MDFIC: variants seen among roughly 807,000 people sequenced by gnomAD.
MDFIC encodes myoD family inhibitor domain-containing protein.
Under a neutral mutation model 23.2 loss-of-function variants are expected in MDFIC, and 17 were observed. The ratio of observed to expected loss-of-function variants is 0.73; its 90% CI spans 0.50 to 1.10. MDFIC has a LOEUF of 1.10. Among genes scored for constraint, MDFIC ranks in the 50% least tolerant of loss-of-function variants. The pLI, the probability that MDFIC is intolerant of heterozygous loss-of-function variation, is 0.00. For missense variants in MDFIC, 356 were observed against 316.6 expected, an observed-to-expected ratio of 1.12 and a Z score of -0.95; for synonymous variants, 120 against 115.2, an observed-to-expected ratio of 1.04 and a Z score of -0.27.
At chr7:114,933,234 G>C (rs1462215583) in intron 2 of MDFIC, among the ~76,000 whole-genome samples, 1 of 150,410 alleles carries the variant, frequency 6.6e-6, no homozygotes, top group East Asian at 2.0e-4. Context: ...AAAAGGGGAA[G>C]ATGATAGAGT....
chr7:115,016,184 AC>A lies in MDFIC; in HGVS notation c.*255del, dbSNP rs930840172. On this transcript the variant is annotated 3_prime_UTR_variant, in exon 5 of 5. Coordinates refer to ENST00000393486, the MANE Select transcript of MDFIC (RefSeq NM_001166345.3). The stretch of plus-strand genomic sequence containing the variant: ...TACAATAACTTAGGGACATTTTGAC[AC>A]CCCCCTTCCCAAATGTTAAATGCCT... The A allele has an allele frequency of 2.5e-5, 10 of 398,486 alleles. 1 individual carries two copies. In the Admixed American group the frequency reaches 3.4e-4, roughly 14 times the overall value. The allele number at this position is 398,486 out of a possible 1,614,324, so 24.7% of individuals were successfully genotyped here.
chr7:114,982,809 G>C (rs62470665), intron 4 of MDFIC, among the ~76,000 whole-genome samples: 3 of 152,086 alleles, frequency 2.0e-5, no homozygotes, highest in African/African-American at 7.2e-5. Flanking sequence ...TGGCAGGTTA[G>C]GTTGTCTGGA....
intron 3 of MDFIC, among the ~76,000 whole-genome samples, chr7:114,949,922 A>C (rs1322115215): frequency 1.3e-5 from 2 of 152,172 alleles, no homozygotes; most frequent in Admixed American, 6.5e-5. Flanking sequence ...AGCACAGCAC[A>C]CCTACAGTTC....
At position 114,967,639 on chromosome 7, in the gene MDFIC, A is replaced by G. The variant is rs1793125275; in HGVS notation, c.218-11867A>G. ...TCTTTATACATTTATTCTTTGTAAT[A>G]TCCCTTATTCCAAGAATGGTGCCTG... On this transcript the variant is annotated intron_variant, in intron 3 of 4. Coordinates refer to ENST00000393486, the MANE Select transcript of MDFIC (RefSeq NM_001166345.3). 2.0e-5 allele frequency among the ~76,000 whole-genome samples: 3 copies of G among 152,106 alleles called. No homozygotes were observed. In the South Asian group the frequency reaches 6.2e-4, roughly 32 times the overall value.
At chr7:114,986,350 C>T (rs1419749350) in intron 4 of MDFIC, among the ~76,000 whole-genome samples, 1 of 152,072 alleles carries the variant, frequency 6.6e-6, no homozygotes, top group Non-Finnish European at 1.5e-5. Context: ...ATACTCCCCA[C>T]CAGTAGGAGT....
intron 4 of MDFIC, among the ~76,000 whole-genome samples, chr7:115,006,683 A>G (rs73447411): frequency 0.029 from 4,404 of 152,308 alleles, 225 homozygotes; most frequent in African/African-American, 0.1. Flanking sequence ...TTTTTACCCC[A>G]ATATGAATTT....
chr7:115,000,787 G>A (rs1208914468), intron 4 of MDFIC, among the ~76,000 whole-genome samples: 2 of 152,176 alleles, frequency 1.3e-5, no homozygotes, highest in Non-Finnish European at 2.9e-5. Context: ...GGATGCAGAA[G>A]AATGGAGAAA....
At position 114,996,427 on chromosome 7, in the gene MDFIC, G is replaced by T. The variant is rs2594446; in HGVS notation, c.493+16646G>T. 3.0e-3 allele frequency among the ~76,000 whole-genome samples: 456 copies of T among 152,310 alleles called. 2 individuals carry two copies. The highest frequency in any genetic ancestry group is 0.011 in the African/African-American group (442 of 41,572). ...TGAAAGTAAGGAATGGCCATTAACT[G>T]AGATGAGAAGACTATAGGAAGAATG... On this transcript the variant is annotated intron_variant, in intron 4 of 4. Coordinates refer to ENST00000393486, the MANE Select transcript of MDFIC (RefSeq NM_001166345.3).
chr7:115,000,075 C>T (rs1791430477), intron 4 of MDFIC, among the ~76,000 whole-genome samples: 2 of 152,130 alleles, frequency 1.3e-5, no homozygotes, highest in African/African-American at 2.4e-5. Context: ...ATATTATCAA[C>T]TATAGTCATA....
chr7:114,974,998 A>G (rs1255583863), intron 3 of MDFIC, among the ~76,000 whole-genome samples: 3 of 151,950 alleles, frequency 2.0e-5, no homozygotes, highest in Middle Eastern at 3.4e-3. Context: ...GAATGTTCTT[A>G]TAAGTGGTAT....
intron 3 of MDFIC, among the ~76,000 whole-genome samples, chr7:114,973,099 G>C (rs1334550343): frequency 2.1e-5 from 3 of 145,734 alleles, no homozygotes; most frequent in Non-Finnish European, 3.0e-5. Context: ...TCGTGTGTGT[G>C]TGTATATATA....
At chr7:114,930,393 G>A (rs994242233) in intron 2 of MDFIC, among the ~76,000 whole-genome samples, 5 of 152,178 alleles carry the variant, frequency 3.3e-5, no homozygotes, top group African/African-American at 1.2e-4. Context: ...TTCCAGGCTG[G>A]GAAGAGAATC....
chr7:115,003,596 C>T (rs977435569), intron 4 of MDFIC, among the ~76,000 whole-genome samples: 8 of 152,132 alleles, frequency 5.3e-5, no homozygotes, highest in East Asian at 1.9e-4. Context: ...CACTGCATGT[C>T]GTTCCTGCTT....
At chr7:114,937,359 ATG>A (rs1792445995) in intron 2 of MDFIC, among the ~76,000 whole-genome samples, 1 of 152,190 alleles carries the variant, frequency 6.6e-6, no homozygotes, top group East Asian at 1.9e-4. Flanking sequence ...TGCTCAATTC[ATG>A]TTTGTCACTT....
At chr7:114,997,116 G>A (rs111256253) in intron 4 of MDFIC, among the ~76,000 whole-genome samples, 2 of 152,126 alleles carry the variant, frequency 1.3e-5, no homozygotes, top group South Asian at 2.1e-4. Flanking sequence ...TGTTGTGATC[G>A]GGCTAGAGTG....
chr7:114,962,943 A>C (rs143734591), intron 3 of MDFIC, among the ~76,000 whole-genome samples: 2 of 152,336 alleles, frequency 1.3e-5, no homozygotes, highest in Non-Finnish European at 2.9e-5. Context: ...TGTATATTTC[A>C]GAGAAATGAA....
chr7:115,009,197 T>G (rs1240461361), intron 4 of MDFIC, among the ~76,000 whole-genome samples: 2 of 152,204 alleles, frequency 1.3e-5, no homozygotes, highest in Non-Finnish European at 2.9e-5. Flanking sequence ...CATAGGAAAC[T>G]TTATTAGAGA....
rs1299417976 is a variant in MDFIC, at chr7:114,922,434, C to A, written c.-310C>A. On this transcript the variant is annotated 5_prime_UTR_variant, in exon 1 of 5. Transcript: ENST00000393486. Reference sequence around the variant, plus strand: ...GGGGCGGAGTGCGCGGAGTCAGAGCCGCCACCGCTGCCGCAGTTGCCGCCA... The same window carrying A: ...GGGGCGGAGTGCGCGGAGTCAGAGCAGCCACCGCTGCCGCAGTTGCCGCCA... The A allele has an allele frequency of 2.4e-6, 3 of 1,241,860 alleles. No individual in the cohort carries two copies. The African/African-American group carries it at 4.7e-5, about 19-fold the overall frequency. The allele number at this position is 1,241,860 out of a possible 1,614,324, so 76.9% of individuals were successfully genotyped here.
chr7:114,948,713 T>C (rs1345847840), intron 3 of MDFIC, among the ~76,000 whole-genome samples: 2 of 152,288 alleles, frequency 1.3e-5, no homozygotes, highest in East Asian at 1.9e-4. Context: ...TGTTCATCAG[T>C]ATAAAGGTAT....
Sources: gnomAD v4.1 joint callset for allele counts (sites outside exome capture counted in the v4.1 genomes callset) on GRCh38, gnomAD v4.1.1 for gene constraint, MANE v1.5 for transcripts, NCBI Gene and HGNC (gene_info 2026-07-23, HGNC 2026-07-21) for gene names.